Variants in ZFP91 observed in about 807,000 individuals in gnomAD.
ZFP91 encodes the protein ZFP91 zinc finger protein, atypical E3 ubiquitin ligase, also known as E3 ubiquitin-protein ligase ZFP91.
ZFP91 carries 7 observed loss-of-function variants against 63.5 expected under a neutral mutation model. The observed-to-expected ratio is 0.11, with a 90% confidence interval of 0.06 to 0.21. The LOEUF (loss-of-function observed/expected upper bound fraction) is 0.21. ZFP91 is among the 10% of genes least tolerant of loss of function. The probability of loss-of-function intolerance (pLI) is 1.00; values close to 1 mark genes in which losing one functional copy is unlikely to be tolerated. For missense variants in ZFP91, 628 were observed against 736.6 expected (o/e 0.85, Z 1.71); for synonymous variants, 330 against 272.1 (o/e 1.21, Z -2.10).
Position 58,617,636 on chromosome 11 carries a change from T to G in ZFP91, c.1643T>G (p.Val548Gly), listed in dbSNP as rs1590632410. Residue 548 changes from valine to glycine, a missense_variant, in exon 11 of 11, where the codon GTT becomes GGT. Physicochemically the swap from Val to Gly is moderately radical, Grantham distance 109 (BLOSUM62 -3). Around this residue, in one of 3 missense-constraint regions of ZFP91, gnomAD observed 115 missense variants for 125.4 expected, o/e 0.92. Coordinates refer to ENST00000316059, the MANE Select transcript of ZFP91 (RefSeq NM_053023.5). The surrounding 1 kb of genome is among the most constrained non-coding windows in gnomAD (Gnocchi z 4.2). ...SGSSGGTEGL[V>G]MNSDILGATT... The stretch of plus-strand genomic sequence containing the variant: ...AGCAGTGGAGGCACTGAAGGGCTGG[T>G]TATGAACTCAGATATACTCGGTGCT... The G allele has an allele frequency of 3.8e-6, 6 of 1,580,106 alleles. No individual in the cohort carries two copies. Among genetic ancestry groups the G allele is most frequent in the Non-Finnish European group, 5.2e-6 (6 of 1,164,228 alleles).
In ZFP91 at chr11:58,579,978, A is replaced by G. The variant is rs188982240; in HGVS notation, c.341+356A>G. Among the ~76,000 whole-genome samples the G allele has an allele frequency of 3.1e-3, 465 of 152,168 alleles. 2 individuals are homozygous for G. Among genetic ancestry groups the G allele is most frequent in the African/African-American group, 0.011 (448 of 41,526 alleles). On this transcript the variant is annotated intron_variant, in intron 1 of 10. Coordinates refer to ENST00000316059, the MANE Select transcript of ZFP91 (RefSeq NM_053023.5). Reference sequence around the variant, plus strand: ...ATCCCTTTCCTTTAGGCGGCTCTCCAGTATTACATCACATGCCCTTTAGGG... The same window carrying G: ...ATCCCTTTCCTTTAGGCGGCTCTCCGGTATTACATCACATGCCCTTTAGGG...
At position 58,621,133 on chromosome 11, in the gene ZFP91, GGT is replaced by G. The variant is rs1219641561; in HGVS notation, c.*3430_*3431del. 2 of 152,590 alleles carry G rather than the reference GGT, an allele frequency of 1.3e-5. No homozygotes were observed. Among genetic ancestry groups the G allele is most frequent in the African/African-American group, 4.8e-5 (2 of 41,428 alleles). 9.5% of individuals were successfully genotyped at this position (152,590 alleles called of 1,614,324 possible). ...AAGCAAACCAAATGCCCTCAGAACA[GGT>G]GTTATGTGGGGCATACTATTGTTTG... On this transcript the variant is annotated 3_prime_UTR_variant, in exon 11 of 11. Transcript: ENST00000316059.
intron 2 of ZFP91, among the ~76,000 whole-genome samples, chr11:58,603,197 G>A (rs1855518983): frequency 6.6e-6 from 1 of 152,198 alleles, no homozygotes; most frequent in Non-Finnish European, 1.5e-5. Context: ...TATCTGAGTA[G>A]ATTTACAAAC....
chr11:58,602,452 TGGG>T (rs1457156915), intron 2 of ZFP91, among the ~76,000 whole-genome samples: 3 of 151,590 alleles, frequency 2.0e-5, no homozygotes, highest in African/African-American at 4.8e-5. Context: ...GAGAGAGAGA[TGGG>T]GGGAGAGGGA....
In ZFP91 at chr11:58,618,720, A is replaced by G. The variant is rs1194333133; in HGVS notation, c.*1014A>G. ...AGAAGCACAGCCAGCCTCTGAAATC[A>G]TAGCTCTCCAGTGGCTTTTAAAGAA... On this transcript the variant is annotated 3_prime_UTR_variant, in exon 11 of 11. Coordinates refer to ENST00000316059, the MANE Select transcript of ZFP91 (RefSeq NM_053023.5). The G allele has an allele frequency of 2.2e-6, 1 of 456,918 alleles. No individual in the cohort carries two copies. Among genetic ancestry groups the G allele is most frequent in the South Asian group, 1.5e-5 (1 of 64,520 alleles). 28.3% of individuals were successfully genotyped at this position (456,918 alleles called of 1,614,324 possible).
chr11:58,613,915 T>C (rs1387643366), intron 8 of ZFP91, among the ~76,000 whole-genome samples: 1 of 152,176 alleles, frequency 6.6e-6, no homozygotes, highest in Non-Finnish European at 1.5e-5. Flanking sequence ...TAAAGCACAG[T>C]ACAATACATA....
chr11:58,612,870 C>T (rs1332518807), intron 8 of ZFP91, 30 bp downstream of exon 8: 3 of 1,583,936 alleles, frequency 1.9e-6, no homozygotes, highest in African/African-American at 1.4e-5. Flanking sequence ...AAGAGCCTTT[C>T]AGGTTGTGTT....
chr11:58,580,849 C>A (rs1163267832), intron 1 of ZFP91, among the ~76,000 whole-genome samples: 1 of 152,206 alleles, frequency 6.6e-6, no homozygotes, highest in Non-Finnish European at 1.5e-5. Context: ...CAGCAAAAAT[C>A]TGTACTTACA....
At chr11:58,598,749 CGTGTGTGTGTGTGT>C (rs56110499) in intron 2 of ZFP91, among the ~76,000 whole-genome samples, 3 of 120,814 alleles carry the variant, frequency 2.5e-5, no homozygotes, top group South Asian at 2.8e-4. Flanking sequence ...CTTTTGTGCA[CGTGTGTGTGTGTGT>C]GTGTGTGTGT....
intron 2 of ZFP91, among the ~76,000 whole-genome samples, chr11:58,587,215 C>T (rs911195933): frequency 6.6e-6 from 1 of 151,996 alleles, no homozygotes; most frequent in African/African-American, 2.4e-5. Flanking sequence ...GTGTATAAAA[C>T]AAATGGAAAG....
chr11:58,608,164 G>T (rs1180230119), intron 2 of ZFP91, among the ~76,000 whole-genome samples: 1 of 151,344 alleles, frequency 6.6e-6, no homozygotes, highest in Non-Finnish European at 1.5e-5. Context: ...TTCAAAGGGG[G>T]ATTGGTTTCA....
intron 2 of ZFP91, among the ~76,000 whole-genome samples, chr11:58,592,594 A>G (rs980527232): frequency 2.0e-5 from 3 of 152,164 alleles, no homozygotes; most frequent in Non-Finnish European, 4.4e-5. Flanking sequence ...ATAACACTGT[A>G]TGATCTCGCT....
chr11:58,579,274 A>C lies in ZFP91; in HGVS notation c.-8A>C. 2.1e-6 allele frequency: 3 copies of C among 1,437,580 alleles called. No homozygotes were observed. The highest frequency in any genetic ancestry group is 2.7e-6 in the Non-Finnish European group (3 of 1,104,668). The allele number at this position is 1,437,580 out of a possible 1,614,324, so 89.1% of individuals were successfully genotyped here. A position where few individuals can be genotyped will look rare whatever the true frequency, so the allele number is the denominator to read the frequency against. On this transcript the variant is annotated 5_prime_UTR_variant, in exon 1 of 11. Transcript: ENST00000316059. ...TAGGACTAGGGGGTGGGGGACGGAC[A>C]AGCCCCGATGCCGGGGGAGACGGAA... is the stretch of plus-strand genomic sequence containing the variant.
chr11:58,614,828 CAA>C (rs1855724906), intron 9 of ZFP91, among the ~76,000 whole-genome samples: 1 of 152,072 alleles, frequency 6.6e-6, no homozygotes, highest in Admixed American at 6.6e-5. Context: ...TAGGAACTGT[CAA>C]AAAGAGTTGC....
At chr11:58,595,459 A>G (rs1158770989) in intron 2 of ZFP91, among the ~76,000 whole-genome samples, 6 of 151,940 alleles carry the variant, frequency 3.9e-5, no homozygotes, top group African/African-American at 1.5e-4. Context: ...TTGGAATTTG[A>G]TGGTTTGACT....
At chr11:58,607,123 C>G (rs1049754176) in intron 2 of ZFP91, among the ~76,000 whole-genome samples, 20 of 151,792 alleles carry the variant, frequency 1.3e-4, no homozygotes, top group Non-Finnish European at 2.8e-4. Context: ...AAGAAAGGAG[C>G]TTTGTTGAGG....
At chr11:58,581,370 T>C (rs972123825) in intron 1 of ZFP91, among the ~76,000 whole-genome samples, 9 of 152,230 alleles carry the variant, frequency 5.9e-5, no homozygotes, top group African/African-American at 2.2e-4. Context: ...TTTAATTTCT[T>C]TTTTTGGAGA....
rs1565029158 is a variant in ZFP91 at position 58,620,347 on chromosome 11, T to G, written c.*2641T>G. The G allele has an allele frequency of 6.6e-6, 1 of 152,234 alleles. No individual in the cohort carries two copies. The highest frequency in any genetic ancestry group is 1.5e-5 in the Non-Finnish European group (1 of 68,042). The allele number at this position is 152,234 out of a possible 1,614,324, so 9.4% of individuals were successfully genotyped here. A position where few individuals can be genotyped will look rare whatever the true frequency, so the allele number is the denominator to read the frequency against. ...GTCCTTCCAGGGAGCTCTTTTAATC[T>G]TAAAGTTCTACATTTCATGCTCTTA... is the stretch of plus-strand genomic sequence containing the variant. On this transcript the variant is annotated 3_prime_UTR_variant, in exon 11 of 11. Transcript: ENST00000316059.
chr11:58,609,884 C>A lies in ZFP91; in HGVS notation c.425C>A (p.Ser142Tyr). 6.2e-7 allele frequency: 1 copy of A among 1,614,198 alleles called. No individual in the cohort carries two copies. Among genetic ancestry groups the A allele is most frequent in the South Asian group, 1.1e-5 (1 of 91,086 alleles). The change falls in exon 3 of 11, where the codon TCC becomes TAC. Residue 142 changes from serine (S) to tyrosine (Y), a missense_variant. This residue lies in a region of ZFP91 where 437 missense variants were observed against 380.3 expected (regional missense o/e 1.15). Coordinates refer to ENST00000316059, the MANE Select transcript of ZFP91 (RefSeq NM_053023.5). ...GATTCTGCCCTCCCTCAGGAAGTTT[C>A]CATTGCTGCATCTAGACCTAGCCGG... is the stretch of plus-strand genomic sequence containing the variant. ...EDDSALPQEV[S>Y]IAASRPSRGW...
Sources: gnomAD v4.1 joint callset for allele counts (sites outside exome capture counted in the v4.1 genomes callset) on GRCh38, gnomAD v4.1.1 for gene constraint, gnomAD v4.1.1 regional missense constraint, Gnocchi (gnomAD v3.1) non-coding constraint, MANE v1.5 for transcripts, NCBI Gene and HGNC (gene_info 2026-07-23, HGNC 2026-07-21) for gene names.